Variants in OPCML observed in about 807,000 individuals in gnomAD.
The protein encoded by OPCML is opioid binding protein/cell adhesion molecule like.
In OPCML, 13 loss-of-function variants were observed where a neutral mutation model predicts 37.8. The ratio of observed to expected loss-of-function variants is 0.34; its 90% CI spans 0.22 to 0.55. The LOEUF (loss-of-function observed/expected upper bound fraction) is 0.55. Ranked by LOEUF, OPCML falls within the 20% of genes least tolerant of loss-of-function variation. The probability of loss-of-function intolerance (pLI) is 0.91; values close to 1 mark genes in which losing one functional copy is unlikely to be tolerated. For synonymous variants in OPCML, 176 were observed against 168.8 expected (o/e 1.04, Z -0.33); for missense variants, 341 against 435.6 (o/e 0.78, Z 1.93).
intron 2 of OPCML, among the ~76,000 whole-genome samples, chr11:132,671,746 T>G (rs1942485346): frequency 6.6e-6 from 1 of 151,980 alleles, no homozygotes; most frequent in South Asian, 2.1e-4. Context: ...AAACCCAAAT[T>G]TTCATTATAA....
chr11:132,736,194 T>A (rs1945250258), intron 2 of OPCML, among the ~76,000 whole-genome samples: 1 of 152,150 alleles, frequency 6.6e-6, no homozygotes, highest in African/African-American at 2.4e-5. Flanking sequence ...TGTGTGCCAG[T>A]GTGTGTGGTG....
At chr11:132,932,330 A>G (rs1322672622) in intron 2 of OPCML, among the ~76,000 whole-genome samples, 2 of 152,198 alleles carry the variant, frequency 1.3e-5, no homozygotes, top group East Asian at 1.9e-4. Flanking sequence ...TTACCACAAT[A>G]AAAACAGGGG....
At chr11:132,474,974 C>T (rs541068939) in intron 4 of OPCML, among the ~76,000 whole-genome samples, 1 of 152,312 alleles carries the variant, frequency 6.6e-6, no homozygotes, top group South Asian at 2.1e-4. Context: ...GCCATGTTCT[C>T]TCCATTACCA....
At chr11:132,626,693 T>G (rs59699820) in intron 3 of OPCML, among the ~76,000 whole-genome samples, 7,416 of 62,918 alleles carry the variant, frequency 0.12, 504 homozygotes, top group East Asian at 0.31. Context: ...GGTATGAGCC[T>G]TTAAAAAAAA....
intron 1 of OPCML, among the ~76,000 whole-genome samples, chr11:132,961,122 A>G (rs1672914523): frequency 6.6e-6 from 1 of 152,170 alleles, no homozygotes; most frequent in Admixed American, 6.5e-5. Flanking sequence ...TTAACGGAAA[A>G]CTAATAAATA....
At chr11:132,907,281 G>T (rs1944275371) in intron 2 of OPCML, among the ~76,000 whole-genome samples, 1 of 152,124 alleles carries the variant, frequency 6.6e-6, no homozygotes, top group Non-Finnish European at 1.5e-5. Context: ...GGGGGTTCAT[G>T]CCTGTATGCA....
intron 1 of OPCML, among the ~76,000 whole-genome samples, chr11:133,328,157 A>ATTT (rs533894891): frequency 8.1e-4 from 112 of 138,270 alleles, no homozygotes; most frequent in African/African-American, 2.8e-3. Context: ...GTGTGTTTTA[A>ATTT]TTTTTTTTTT....
chr11:133,012,609 C>T (rs1196748962), intron 1 of OPCML, among the ~76,000 whole-genome samples: 1 of 152,162 alleles, frequency 6.6e-6, no homozygotes, highest in East Asian at 1.9e-4. Flanking sequence ...GACACGGTGG[C>T]TCACACCTGT....
intron 4 of OPCML, among the ~76,000 whole-genome samples, chr11:132,468,372 A>C (rs2096125953): frequency 6.6e-6 from 1 of 152,154 alleles, no homozygotes; most frequent in Admixed American, 6.5e-5. Context: ...TTCAATCCTG[A>C]ACAACTAGTG....
chr11:133,315,061 A>G (rs1457611307), intron 1 of OPCML, among the ~76,000 whole-genome samples: 3 of 152,148 alleles, frequency 2.0e-5, no homozygotes, highest in Non-Finnish European at 1.5e-5. Context: ...CTAACTAAAT[A>G]AGGTAAAATG....
intron 1 of OPCML, among the ~76,000 whole-genome samples, chr11:133,140,877 AGACGACGACGAC>A (rs200685608): frequency 5.9e-5 from 1 of 16,864 alleles, no homozygotes; most frequent in African/African-American, 9.7e-5. Context: ...ACGACGAAGA[AGACGACGACGAC>A]GACGAAGACG....
intron 2 of OPCML, among the ~76,000 whole-genome samples, chr11:132,753,282 T>G (rs895256909): frequency 6.6e-6 from 1 of 152,190 alleles, no homozygotes; most frequent in African/African-American, 2.4e-5. Context: ...AGCAATTAAA[T>G]AATAATTTAA....
chr11:132,570,755 GTATATATA>G (rs71477765), intron 3 of OPCML, among the ~76,000 whole-genome samples: 761 of 30,110 alleles, frequency 0.025, 26 homozygotes, highest in African/African-American at 0.063. Flanking sequence ...AGGAAAGAGA[GTATATATA>G]TATATATATA....
chr11:132,778,502 T>C (rs1182634595), intron 2 of OPCML, among the ~76,000 whole-genome samples: 1 of 152,264 alleles, frequency 6.6e-6, no homozygotes, highest in Non-Finnish European at 1.5e-5. Context: ...TTTACTGTTA[T>C]ATAAAGAGGA....
rs1481789790 is a variant in OPCML, at chr11:133,206,917, C to T, written c.62-263907G>A. Reference sequence around the variant, plus strand: ...CCTGGGATCACCAATGACTGAGAAGCGAGGCCCGGATCACGTAATCCAGAT... The same window carrying T: ...CCTGGGATCACCAATGACTGAGAAGTGAGGCCCGGATCACGTAATCCAGAT... On this transcript the variant is annotated intron_variant, in intron 1 of 7. Coordinates refer to ENST00000524381, the MANE Select transcript of OPCML (RefSeq NM_001012393.5). The surrounding 1 kb of genome is among the most constrained non-coding windows in gnomAD (Gnocchi z 4.7). 2.0e-5 allele frequency among the ~76,000 whole-genome samples: 3 copies of T among 152,090 alleles called. No individual in the cohort carries two copies. Among genetic ancestry groups the T allele is most frequent in the African/African-American group, 7.2e-5 (3 of 41,430 alleles).
At chr11:132,913,295 G>A (rs1188684047) in intron 2 of OPCML, among the ~76,000 whole-genome samples, 4 of 152,120 alleles carry the variant, frequency 2.6e-5, no homozygotes, top group South Asian at 2.1e-4. Context: ...TTCTAAGAGC[G>A]GATCCATTAA....
At chr11:133,373,322 G>A (rs1944717340) in intron 1 of OPCML, among the ~76,000 whole-genome samples, 1 of 151,308 alleles carries the variant, frequency 6.6e-6, no homozygotes, top group Non-Finnish European at 1.5e-5. Flanking sequence ...CAACACTTTG[G>A]GAGGCTGAGG....
At position 132,821,323 on chromosome 11, in the gene OPCML, G is replaced by A. The variant is rs138280624; in HGVS notation, c.146+121603C>T. 7.9e-5 allele frequency among the ~76,000 whole-genome samples: 12 copies of A among 152,262 alleles called. No individual in the cohort carries two copies. In the East Asian group the frequency reaches 2.3e-3, roughly 29 times the overall value. Reference sequence around the variant, plus strand: ...AGGCACAAGGCAAGGCAGAGCACAGGCTCCTTTCAACCAGCCACAGCTCTC... The same window carrying A: ...AGGCACAAGGCAAGGCAGAGCACAGACTCCTTTCAACCAGCCACAGCTCTC... On this transcript the variant is annotated intron_variant, in intron 2 of 7. Transcript: ENST00000524381.
chr11:133,056,453 A>G (rs1045636972), intron 1 of OPCML, among the ~76,000 whole-genome samples: 5 of 152,244 alleles, frequency 3.3e-5, no homozygotes. Context: ...CTAATCGTGG[A>G]GAGAATGTCT....
Sources: gnomAD v4.1 joint callset for allele counts (sites outside exome capture counted in the v4.1 genomes callset) on GRCh38, gnomAD v4.1.1 for gene constraint, Gnocchi (gnomAD v3.1) non-coding constraint, MANE v1.5 for transcripts, NCBI Gene and HGNC (gene_info 2026-07-23, HGNC 2026-07-21) for gene names.